The following RPS6KA2 variants were observed in gnomAD, a reference collection of about 807,000 sequenced individuals.
RPS6KA2 encodes ribosomal protein S6 kinase alpha-2.
In RPS6KA2, 42 loss-of-function variants were observed where a neutral mutation model predicts 91.8. That is an observed-to-expected ratio of 0.46 (90% CI 0.36 to 0.59). RPS6KA2 has a LOEUF of 0.59. Among genes scored for constraint, RPS6KA2 ranks in the 20% least tolerant of loss-of-function variants. The probability of loss-of-function intolerance (pLI) is 0.00; values close to 1 mark genes in which losing one functional copy is unlikely to be tolerated. For missense variants in RPS6KA2, 798 were observed against 978.5 expected (o/e 0.82, Z 2.46); for synonymous variants, 414 against 393.6 (o/e 1.05, Z -0.61).
At chr6:166,744,438 G>C (rs1307686394) in intron 2 of RPS6KA2, among the ~76,000 whole-genome samples, 1 of 152,220 alleles carries the variant, frequency 6.6e-6, no homozygotes, top group Non-Finnish European at 1.5e-5. Flanking sequence ...AGGCCTCTGG[G>C]GGTAGGCTGG....
intron 1 of RPS6KA2, among the ~76,000 whole-genome samples, chr6:166,549,219 G>T (rs1004149519): frequency 2.0e-5 from 3 of 152,210 alleles, no homozygotes; most frequent in African/African-American, 7.2e-5. Context: ...TACGTTGCTG[G>T]TGTAAATATA....
intron 2 of RPS6KA2, among the ~76,000 whole-genome samples, chr6:166,795,758 C>T (rs79111805): frequency 0.01 from 1,593 of 152,242 alleles, 26 homozygotes; most frequent in African/African-American, 0.036. Flanking sequence ...GTGTGGGCAC[C>T]GTGGTGGGAT....
chr6:166,615,421 A>G (rs1169362583), intron 1 of RPS6KA2, among the ~76,000 whole-genome samples: 1 of 152,246 alleles, frequency 6.6e-6, no homozygotes, highest in African/African-American at 2.4e-5. Context: ...GAGGAGTAAG[A>G]AAAGCATTTC....
intron 2 of RPS6KA2, among the ~76,000 whole-genome samples, chr6:166,850,026 G>A (rs974498413): frequency 5.9e-5 from 9 of 152,306 alleles, no homozygotes; most frequent in Admixed American, 2.6e-4. Flanking sequence ...GACGTGGAGC[G>A]GAGGCGTTTC....
intron 20 of RPS6KA2, 148 bp downstream of exon 20, chr6:166,413,646 G>T: frequency 1.4e-6 from 1 of 728,872 alleles, no homozygotes. Context: ...TGAAGTGCAC[G>T]AAGGTAGGTG....
chr6:166,526,038 T>C (rs1215227012), intron 3 of RPS6KA2, among the ~76,000 whole-genome samples: 2 of 152,190 alleles, frequency 1.3e-5, no homozygotes, highest in Non-Finnish European at 2.9e-5. Flanking sequence ...AAGTGCTAGT[T>C]AGTACCAGTT....
rs75073360 is a variant in RPS6KA2 at position 166,852,665 on chromosome 6, G to A, written c.123+5535C>T. 6.5e-3 allele frequency among the ~76,000 whole-genome samples: 986 copies of A among 152,086 alleles called. 9 individuals are homozygous for A. Among genetic ancestry groups the A allele is most frequent in the Non-Finnish European group, 8.6e-3 (587 of 67,996 alleles). On this transcript the variant is annotated intron_variant, in intron 2 of 21. Transcript: ENST00000503859. The surrounding 1 kb of genome is among the most constrained non-coding windows in gnomAD (Gnocchi z 4.1). ...CTCGTCGAGGGGTCCAAGCAGCAAC[G>A]GCTCGGCAACTCCGGGAGCTGGGCA... is the stretch of plus-strand genomic sequence containing the variant.
chr6:166,418,644 C>T lies in RPS6KA2; in HGVS notation c.1821-302G>A, dbSNP rs112676297. Among the ~76,000 whole-genome samples the T allele has an allele frequency of 1.2e-3, 185 of 152,340 alleles. No homozygotes were observed. The highest frequency in any genetic ancestry group is 4.3e-3 in the African/African-American group (179 of 41,586). On this transcript the variant is annotated intron_variant, in intron 18 of 20. Transcript: ENST00000265678. This position sits in a 1 kb window ranked among gnomAD's most constrained non-coding sequence, Gnocchi z 4.9. Reference sequence around the variant, plus strand: ...GGTGGCCTAGTGAGTTGCCTGGTGCCGTGGTTTCCACGGTGATGGTGTGGC... The same window carrying T: ...GGTGGCCTAGTGAGTTGCCTGGTGCTGTGGTTTCCACGGTGATGGTGTGGC...
Position 166,648,166 on chromosome 6 carries a change from ACACATGCT to A in RPS6KA2, c.124-109390_124-109383del. ...CACGCACATGGTTACACACCCATGC[ACACATGCT>A]CACACACATGCACACATGCTCATAC... On this transcript the variant is annotated intron_variant, in intron 2 of 21. Coordinates refer to the RPS6KA2 transcript ENST00000503859. The surrounding 1 kb of genome is among the most constrained non-coding windows in gnomAD (Gnocchi z 4.8). Among the ~76,000 whole-genome samples, 1 of 142,670 alleles carries A rather than the reference ACACATGCT, an allele frequency of 7.0e-6. No homozygotes were observed. Among genetic ancestry groups the A allele is most frequent in the African/African-American group, 2.6e-5 (1 of 38,352 alleles). The allele number at this position is 142,670 out of a possible 152,430, so 93.6% of individuals were successfully genotyped here. A position where few individuals can be genotyped will look rare whatever the true frequency, so the allele number is the denominator to read the frequency against.
At chr6:166,799,999 G>A (rs1359050062) in intron 2 of RPS6KA2, among the ~76,000 whole-genome samples, 1 of 152,198 alleles carries the variant, frequency 6.6e-6, no homozygotes, top group Non-Finnish European at 1.5e-5. Context: ...GCCTGGTGGG[G>A]ATTTGCTCAG....
At chr6:166,816,149 C>T (rs190471121) in intron 2 of RPS6KA2, among the ~76,000 whole-genome samples, 209 of 152,254 alleles carry the variant, frequency 1.4e-3, no homozygotes, top group Non-Finnish European at 2.2e-3. Context: ...CAAAATCCTG[C>T]TTCGTTCTCC....
intron 3 of RPS6KA2, among the ~76,000 whole-genome samples, chr6:166,513,007 A>G (rs528021001): frequency 1.2e-4 from 19 of 152,082 alleles, no homozygotes; most frequent in African/African-American, 4.6e-4. Flanking sequence ...CAATCTTTTG[A>G]CTTCCTGGGC....
At chr6:166,468,458 G>C (rs1159741505) in intron 11 of RPS6KA2, among the ~76,000 whole-genome samples, 3 of 152,218 alleles carry the variant, frequency 2.0e-5, no homozygotes, top group African/African-American at 7.2e-5. Context: ...AGGAGAGCTG[G>C]CTGGTTTTAT....
intron 1 of RPS6KA2, among the ~76,000 whole-genome samples, chr6:166,571,751 G>A (rs1784695364): frequency 6.6e-6 from 1 of 151,898 alleles, no homozygotes; most frequent in African/African-American, 2.4e-5. Context: ...CACGTTGAGC[G>A]TGGTGACGAC....
intron 3 of RPS6KA2, among the ~76,000 whole-genome samples, chr6:166,527,518 G>A (rs1364034019): frequency 6.6e-6 from 1 of 152,170 alleles, no homozygotes; most frequent in Non-Finnish European, 1.5e-5. Flanking sequence ...GGAAAGGAAC[G>A]TATTATCTAG....
chr6:166,611,391 C>G (rs535665450), intron 1 of RPS6KA2, among the ~76,000 whole-genome samples: 47 of 152,356 alleles, frequency 3.1e-4, no homozygotes, highest in African/African-American at 1.0e-3. Flanking sequence ...TGTTCCATCT[C>G]AGTCACCCAC....
At position 166,612,891 on chromosome 6, in the gene RPS6KA2, C is replaced by G. The variant is rs578174890; in HGVS notation, c.99+14030G>C. Among the ~76,000 whole-genome samples, 2 of 152,328 alleles carry G rather than the reference C, an allele frequency of 1.3e-5. No homozygotes were observed. Among genetic ancestry groups the G allele is most frequent in the South Asian group, 4.1e-4 (2 of 4,828 alleles). On this transcript the variant is annotated intron_variant, in intron 1 of 20. Coordinates refer to ENST00000265678, the MANE Select transcript of RPS6KA2 (RefSeq NM_021135.6). This position sits in a 1 kb window ranked among gnomAD's most constrained non-coding sequence, Gnocchi z 4.3. ...TTCTTGACTCTTCTCCACTCTTCCC[C>G]TTCTCTTGTCTTTCTTCTTCCTGCC...
At chr6:166,823,008 G>C (rs1583155386) in intron 2 of RPS6KA2, among the ~76,000 whole-genome samples, 2 of 152,326 alleles carry the variant, frequency 1.3e-5, no homozygotes, top group Admixed American at 1.3e-4. Context: ...CTCCTAGTGA[G>C]TTATTGGATC....
rs1789526512 is a variant in RPS6KA2 at position 166,701,698 on chromosome 6, G to A, written c.123+156502C>T. ...GGTGGGAGGTGGCATCCCTGAAGTG[G>A]GTGGGAACAGACCCAAGGCGTTCAG... On this transcript the variant is annotated intron_variant, in intron 2 of 21. Transcript: ENST00000503859. 4 of 1,318,730 alleles carry A rather than the reference G, an allele frequency of 3.0e-6. No individual in the cohort carries two copies. In the South Asian group the frequency reaches 4.8e-5, roughly 16 times the overall value. 81.7% of individuals were successfully genotyped at this position (1,318,730 alleles called of 1,614,324 possible).
Sources: allele counts gnomAD v4.1 joint callset (sites outside exome capture counted in the v4.1 genomes callset), GRCh38; gene constraint gnomAD v4.1.1; non-coding constraint Gnocchi (gnomAD v3.1); transcripts MANE v1.5; gene names NCBI Gene and HGNC (gene_info 2026-07-23, HGNC 2026-07-21).